Variants in IGSF21 observed in about 807,000 individuals in gnomAD.
IGSF21 encodes immunoglobulin superfamily member 21.
Under a neutral mutation model 46.8 loss-of-function variants are expected in IGSF21, and 28 were observed. The ratio of observed to expected loss-of-function variants is 0.60; its 90% confidence interval spans 0.44 to 0.82. The LOEUF is 0.82. Among genes scored for constraint, IGSF21 ranks in the 40% least tolerant of loss-of-function variants. The pLI, the probability that IGSF21 is intolerant of heterozygous loss-of-function variation, is 0.00. For synonymous variants in IGSF21, 284 were observed against 273.6 expected (o/e 1.04, Z -0.38); for missense variants, 624 against 665.5 (o/e 0.94, Z 0.69).
chr1:18,223,905 T>G (rs1250839131), intron 1 of IGSF21, among the ~76,000 whole-genome samples: 1 of 151,866 alleles, frequency 6.6e-6, no homozygotes, highest in Non-Finnish European at 1.5e-5. Context: ...AGAAGGGGAG[T>G]GCCCAGCTAC....
At chr1:18,359,843 T>C (rs1286581086) in intron 4 of IGSF21, among the ~76,000 whole-genome samples, 3 of 152,224 alleles carry the variant, frequency 2.0e-5, no homozygotes, top group Admixed American at 6.5e-5. Context: ...TACATACACC[T>C]AAAGGCACCA....
chr1:18,123,344 C>T (rs978050283), intron 1 of IGSF21, among the ~76,000 whole-genome samples: 10 of 152,198 alleles, frequency 6.6e-5, no homozygotes, highest in Admixed American at 3.9e-4. Context: ...TGCTCCATTT[C>T]CTGGGAGCAT....
Position 18,220,904 on chromosome 1 carries a change from G to A in IGSF21, c.71-6994G>A, listed in dbSNP as rs148045279. On this transcript the variant is annotated intron_variant, in intron 1 of 9. Coordinates refer to ENST00000251296, the MANE Select transcript of IGSF21 (RefSeq NM_032880.5). The stretch of plus-strand genomic sequence containing the variant: ...GGTGCCAGAGGAACCTGAGAGCTAG[G>A]CATGGGCCAGATCTCCCTGCTGGGA... Among the ~76,000 whole-genome samples the A allele has an allele frequency of 5.6e-3, 855 of 152,288 alleles. 7 individuals carry two copies. Among genetic ancestry groups the A allele is most frequent in the African/African-American group, 0.019 (779 of 41,552 alleles).
Position 18,160,639 on chromosome 1 carries a change from C to T in IGSF21, c.70+52441C>T, listed in dbSNP as rs764272713. Among the ~76,000 whole-genome samples, 17 of 152,146 alleles carry T rather than the reference C, an allele frequency of 1.1e-4. No homozygotes were observed. The East Asian group carries it at 1.2e-3, about 10-fold the overall frequency. On this transcript the variant is annotated intron_variant, in intron 1 of 9. Coordinates refer to ENST00000251296, the MANE Select transcript of IGSF21 (RefSeq NM_032880.5). Reference sequence around the variant, plus strand: ...CTGGGGAAGGACCGGGCACTCAGAGCGTGCTCATTCGGTGTGACGATGGCT... The same window carrying T: ...CTGGGGAAGGACCGGGCACTCAGAGTGTGCTCATTCGGTGTGACGATGGCT...
chr1:18,352,057 T>A (rs1047740630), intron 4 of IGSF21, among the ~76,000 whole-genome samples: 1 of 152,128 alleles, frequency 6.6e-6, no homozygotes, highest in East Asian at 1.9e-4. Flanking sequence ...GCACCGGTTG[T>A]GGGGAGTGGA....
chr1:18,329,317 A>G lies in IGSF21; in HGVS notation c.306-5575A>G, dbSNP rs555065666. ...GGCACCTCCCCAGATGCTGTAATCC[A>G]CAAGACAGGTGTCATAGCACCCATG... On this transcript the variant is annotated intron_variant, in intron 3 of 9. Coordinates refer to ENST00000251296, the MANE Select transcript of IGSF21 (RefSeq NM_032880.5). Among the ~76,000 whole-genome samples the G allele has an allele frequency of 1.4e-4, 21 of 152,338 alleles. No individual in the cohort carries two copies. The South Asian group carries it at 4.1e-3, about 30-fold the overall frequency.
intron 1 of IGSF21, among the ~76,000 whole-genome samples, chr1:18,164,108 C>A (rs921268760): frequency 1.3e-5 from 2 of 152,154 alleles, no homozygotes; most frequent in African/African-American, 4.8e-5. Context: ...CTAGCTCCAT[C>A]TGTATAGCAT....
At chr1:18,233,893 C>A (rs1469252723) in intron 2 of IGSF21, among the ~76,000 whole-genome samples, 1 of 152,174 alleles carries the variant, frequency 6.6e-6, no homozygotes, top group African/African-American at 2.4e-5. Flanking sequence ...GGAGCTATTT[C>A]AAAATGGCTT....
chr1:18,160,547 TTTTCTGGTTTAAGTCATAA>T (rs1431943993), intron 1 of IGSF21, among the ~76,000 whole-genome samples: 5 of 122,802 alleles, frequency 4.1e-5, no homozygotes, highest in South Asian at 2.7e-4. Context: ...AACTTGTGTG[TTTTCTGGTTTAAGTCATAA>T]TTTCTTTTCT....
chr1:18,127,294 A>G (rs2086282262), intron 1 of IGSF21, among the ~76,000 whole-genome samples: 1 of 152,180 alleles, frequency 6.6e-6, no homozygotes, highest in Non-Finnish European at 1.5e-5. Context: ...TGAGGGGAGT[A>G]CAGCAGGGCT....
chr1:18,194,216 A>C (rs1166972004), intron 1 of IGSF21, among the ~76,000 whole-genome samples: 1 of 152,202 alleles, frequency 6.6e-6, no homozygotes, highest in Non-Finnish European at 1.5e-5. Context: ...AGGGAAGAGA[A>C]AGGAGACCCT....
chr1:18,219,783 C>G (rs1247701840), intron 1 of IGSF21, among the ~76,000 whole-genome samples: 1 of 152,108 alleles, frequency 6.6e-6, no homozygotes, highest in Non-Finnish European at 1.5e-5. Context: ...CAGCAGGGTT[C>G]CCTACCCAGG....
chr1:18,252,302 G>T (rs927398286), intron 2 of IGSF21, among the ~76,000 whole-genome samples: 1 of 151,960 alleles, frequency 6.6e-6, no homozygotes, highest in African/African-American at 2.4e-5. Context: ...ACCCACCTCG[G>T]CCTCCCAAAG....
intron 2 of IGSF21, among the ~76,000 whole-genome samples, chr1:18,266,516 C>T (rs1286567865): frequency 6.6e-6 from 1 of 152,226 alleles, no homozygotes; most frequent in Non-Finnish European, 1.5e-5. Context: ...GCTGTCCTCA[C>T]TGGGACAACA....
At chr1:18,236,279 C>T (rs1014392612) in intron 2 of IGSF21, among the ~76,000 whole-genome samples, 3 of 152,142 alleles carry the variant, frequency 2.0e-5, no homozygotes, top group Non-Finnish European at 2.9e-5. Flanking sequence ...ATGGGAGTTC[C>T]CCTGCACAAG....
intron 1 of IGSF21, among the ~76,000 whole-genome samples, chr1:18,189,394 C>T (rs1307198561): frequency 6.6e-6 from 1 of 152,166 alleles, no homozygotes; most frequent in East Asian, 1.9e-4. Context: ...CACCAGGAAC[C>T]AGTTTCGTGG....
chr1:18,328,995 A>G (rs183652216), intron 3 of IGSF21, among the ~76,000 whole-genome samples: 94 of 152,334 alleles, frequency 6.2e-4, no homozygotes, highest in Non-Finnish European at 1.1e-3. Flanking sequence ...ATAAAAGGCC[A>G]TCCTGTTTCT....
chr1:18,223,146 A>C (rs1363436147), intron 1 of IGSF21, among the ~76,000 whole-genome samples: 2 of 152,250 alleles, frequency 1.3e-5, no homozygotes, highest in Admixed American at 6.5e-5. Context: ...CTGAGGCAGT[A>C]GGGTCTCCCC....
At chr1:18,169,169 A>G (rs1369725418) in intron 1 of IGSF21, among the ~76,000 whole-genome samples, 1 of 152,230 alleles carries the variant, frequency 6.6e-6, no homozygotes, top group African/African-American at 2.4e-5. Flanking sequence ...CAGAATTCAC[A>G]TTGGGCCCCA....
Sources: gnomAD v4.1 joint callset for allele counts (sites outside exome capture counted in the v4.1 genomes callset) on GRCh38, gnomAD v4.1.1 for gene constraint, MANE v1.5 for transcripts, NCBI Gene and HGNC (gene_info 2026-07-23, HGNC 2026-07-21) for gene names.